CIAO2A: variants seen among roughly 807,000 people sequenced by gnomAD.
CIAO2A encodes the protein cytosolic iron-sulfur assembly component 2A.
CIAO2A carries 17 observed loss-of-function variants against 22.4 expected under a neutral mutation model. That is an observed-to-expected ratio of 0.76 (90% CI 0.52 to 1.14). The LOEUF is 1.14. Among genes scored for constraint, CIAO2A ranks in the 50% most tolerant of loss-of-function variants. The probability of loss-of-function intolerance (pLI) is 0.00; values close to 1 mark genes in which losing one functional copy is unlikely to be tolerated. For missense variants in CIAO2A, 192 were observed against 191.4 expected, an observed-to-expected ratio of 1.00 and a Z score of -0.02; for synonymous variants, 74 against 72.3, an observed-to-expected ratio of 1.02 and a Z score of -0.12.
intron 3 of CIAO2A, among the ~76,000 whole-genome samples, chr15:64,077,778 G>A (rs1033942847): frequency 6.6e-6 from 1 of 152,190 alleles, no homozygotes; most frequent in Non-Finnish European, 1.5e-5. Context: ...TGTATGATGG[G>A]GGAGAGGAGC....
In CIAO2A at chr15:64,081,206, T is replaced by C. The variant is rs369410325; in HGVS notation, c.290-55A>G. ...TCTCTTTATTGCTTCTTATTGGTTC[T>C]TGAAAAAGCATACAACTGCGTTTAT... On this transcript the variant is annotated intron_variant, in intron 2 of 4. Transcript: ENST00000300030. 4.6e-5 allele frequency: 72 copies of C among 1,551,358 alleles called. No individual in the cohort carries two copies. In the East Asian group the frequency reaches 1.0e-3, roughly 22 times the overall value.
rs2080680210 is a variant in CIAO2A, at chr15:64,072,602, T to C, written c.*329A>G. 5.4e-6 allele frequency: 1 copy of C among 186,630 alleles called. No homozygotes were observed. 11.6% of individuals were successfully genotyped at this position (186,630 alleles called of 1,614,324 possible). On this transcript the variant is annotated 3_prime_UTR_variant, in exon 5 of 5. Transcript: ENST00000300030. ...GCTTATTTATTTTACAGAGTAATGA[T>C]TTAAATTGAGTACATTTGGGCACAG... is the stretch of plus-strand genomic sequence containing the variant.
intron 2 of CIAO2A, among the ~76,000 whole-genome samples, chr15:64,087,456 T>C (rs2080806892): frequency 6.6e-6 from 1 of 151,998 alleles, no homozygotes; most frequent in Non-Finnish European, 1.5e-5. Context: ...CTCAAACTCC[T>C]GACCTCAAGT....
chr15:64,075,419 G>T, intron 4 of CIAO2A, 73 bp downstream of exon 4: 1 of 923,112 alleles, frequency 1.1e-6, no homozygotes, highest in Non-Finnish European at 1.6e-6. Context: ...TTCTTGGCTG[G>T]CAGAAGAATC....
intron 1 of CIAO2A, among the ~76,000 whole-genome samples, chr15:64,093,061 G>C (rs1227441343): frequency 6.6e-6 from 1 of 152,194 alleles, no homozygotes; most frequent in Non-Finnish European, 1.5e-5. Flanking sequence ...ATGCAACATG[G>C]AAGAGTGTGT....
intron 2 of CIAO2A, among the ~76,000 whole-genome samples, chr15:64,082,061 T>C (rs2080762586): frequency 6.6e-6 from 1 of 152,110 alleles, no homozygotes. Flanking sequence ...CATACAGCAA[T>C]ACAGCAAGAT....
chr15:64,080,229 T>TA (rs1169360957), intron 3 of CIAO2A, among the ~76,000 whole-genome samples: 4 of 148,996 alleles, frequency 2.7e-5, no homozygotes, highest in Non-Finnish European at 5.9e-5. Flanking sequence ...CTACTAAAAA[T>TA]AAAAAAAAAT....
intron 2 of CIAO2A, among the ~76,000 whole-genome samples, chr15:64,086,408 A>G (rs1338759176): frequency 6.6e-6 from 1 of 152,022 alleles, no homozygotes; most frequent in Non-Finnish European, 1.5e-5. Context: ...GTTAAACTCC[A>G]GCTCAAAAAA....
intron 1 of CIAO2A, among the ~76,000 whole-genome samples, chr15:64,091,578 G>A (rs1369990952): frequency 6.6e-6 from 1 of 152,078 alleles, no homozygotes; most frequent in Non-Finnish European, 1.5e-5. Flanking sequence ...GTTATCATGG[G>A]ACTTAGGGAA....
At chr15:64,087,379 C>T (rs1304806478) in intron 2 of CIAO2A, among the ~76,000 whole-genome samples, 2 of 152,136 alleles carry the variant, frequency 1.3e-5, no homozygotes, top group Middle Eastern at 3.2e-3. Flanking sequence ...GCGTAAGCCA[C>T]CGCGCCCGGC....
In CIAO2A at chr15:64,084,796, T is replaced by C. The variant is rs1457257589; in HGVS notation, c.290-3645A>G. 2.7e-5 allele frequency among the ~76,000 whole-genome samples: 4 copies of C among 150,442 alleles called. No individual in the cohort carries two copies. In the East Asian group the frequency reaches 5.9e-4, roughly 22 times the overall value. On this transcript the variant is annotated intron_variant, in intron 2 of 4. Coordinates refer to ENST00000300030, the MANE Select transcript of CIAO2A (RefSeq NM_032231.7). Reference sequence around the variant, plus strand: ...AAAAATAAATAAATAAAAATATTTATATATAAAGTTGTTCGGTCAGGCGCG... The same window carrying C: ...AAAAATAAATAAATAAAAATATTTACATATAAAGTTGTTCGGTCAGGCGCG...
intron 1 of CIAO2A, among the ~76,000 whole-genome samples, chr15:64,090,680 TTCAGTAGAGAG>T (rs2080833465): frequency 6.6e-6 from 1 of 152,168 alleles, no homozygotes; most frequent in African/African-American, 2.4e-5. Context: ...AGAAAGCAGT[TTCAGTAGAGAG>T]TGCGTGCGCT....
intron 2 of CIAO2A, among the ~76,000 whole-genome samples, chr15:64,085,936 C>A (rs909333504): frequency 9.2e-5 from 14 of 151,578 alleles, no homozygotes; most frequent in Admixed American, 3.3e-4. Context: ...TCTCAAACTC[C>A]TGACCTCATG....
At chr15:64,077,256 C>T (rs1022325669) in intron 3 of CIAO2A, among the ~76,000 whole-genome samples, 9 of 152,176 alleles carry the variant, frequency 5.9e-5, no homozygotes, top group South Asian at 2.1e-4. Flanking sequence ...TGAGACTGCG[C>T]CACTGCACTC....
chr15:64,078,786 T>C (rs1302067221), intron 3 of CIAO2A, among the ~76,000 whole-genome samples: 1 of 152,000 alleles, frequency 6.6e-6, no homozygotes, highest in African/African-American at 2.4e-5. Context: ...CTCACGCCTG[T>C]AATCCGAAAC....
intron 2 of CIAO2A, 118 bp downstream of exon 2, chr15:64,088,569 G>C: frequency 1.3e-6 from 1 of 753,222 alleles, no homozygotes; most frequent in East Asian, 2.8e-5. Context: ...AAACCATAAA[G>C]TGTAATACAT....
intron 2 of CIAO2A, among the ~76,000 whole-genome samples, chr15:64,085,446 G>A (rs1490802583): frequency 6.6e-6 from 1 of 152,182 alleles, no homozygotes; most frequent in Non-Finnish European, 1.5e-5. Flanking sequence ...TGCCTGCAGT[G>A]AGCCGAGATC....
chr15:64,079,833 A>T (rs916086338), intron 3 of CIAO2A, among the ~76,000 whole-genome samples: 18 of 152,360 alleles, frequency 1.2e-4, no homozygotes, highest in Non-Finnish European at 2.2e-4. Context: ...GAAAATTTAA[A>T]ACTTTTGTAC....
intron 2 of CIAO2A, among the ~76,000 whole-genome samples, chr15:64,082,828 A>G (rs995768931): frequency 1.3e-5 from 2 of 152,212 alleles, no homozygotes; most frequent in Admixed American, 6.5e-5. Context: ...TTTCAAAAGT[A>G]GCTTCACTAC....
Sources: gnomAD v4.1 joint callset for allele counts (sites outside exome capture counted in the v4.1 genomes callset) on GRCh38, gnomAD v4.1.1 for gene constraint, MANE v1.5 for transcripts, NCBI Gene and HGNC (gene_info 2026-07-23, HGNC 2026-07-21) for gene names.